ART3: variants seen among roughly 807,000 people sequenced by gnomAD.
ART3 encodes ecto-ADP-ribosyltransferase 3.
In ART3, 49 loss-of-function variants were observed where a neutral mutation model predicts 48.5. The observed-to-expected ratio is 1.01, with a 90% CI of 0.80 to 1.28. The LOEUF is 1.28. ART3 is among the 50% of genes most tolerant of loss of function. The pLI, the probability that ART3 is intolerant of heterozygous loss-of-function variation, is 0.00. For synonymous variants in ART3, 145 were observed against 157.2 expected (o/e 0.92, Z 0.58); for missense variants, 438 against 454.3 (o/e 0.96, Z 0.33).
chr4:76,049,329 C>A (rs1213914743), intron 1 of ART3, among the ~76,000 whole-genome samples: 1 of 151,812 alleles, frequency 6.6e-6, no homozygotes, highest in Non-Finnish European at 1.5e-5. Context: ...CGGCAAGGGT[C>A]AGGATAGATA....
intron 1 of ART3, chr4:76,036,225 G>T (rs1734393521): frequency 2.2e-6 from 1 of 457,636 alleles, no homozygotes; most frequent in African/African-American, 2.0e-5. Flanking sequence ...CTTCCTATTT[G>T]CAGTAGTGTT....
At chr4:76,110,281 T>C (rs569147177) in intron 11 of ART3, among the ~76,000 whole-genome samples, 3 of 152,184 alleles carry the variant, frequency 2.0e-5, no homozygotes, top group Non-Finnish European at 4.4e-5. Context: ...TTCATTTACA[T>C]TGTATTAGGT....
chr4:76,037,966 A>G (rs1560588204), intron 1 of ART3, among the ~76,000 whole-genome samples: 1 of 152,174 alleles, frequency 6.6e-6, no homozygotes, highest in African/African-American at 2.4e-5. Context: ...TTTAGATATA[A>G]TCCTGCATTT....
intron 1 of ART3, chr4:76,033,777 A>G (rs1172630972): frequency 6.6e-6 from 1 of 152,232 alleles, no homozygotes; most frequent in Non-Finnish European, 1.5e-5. Flanking sequence ...TTTACAGTAT[A>G]TAGGCATGAA....
chr4:76,046,254 G>A (rs1057176287), intron 1 of ART3, among the ~76,000 whole-genome samples: 1 of 152,014 alleles, frequency 6.6e-6, no homozygotes, highest in Non-Finnish European at 1.5e-5. Flanking sequence ...TCAGAGTGCA[G>A]GGGAATAAAG....
At chr4:76,061,916 G>T (rs559651739) in intron 1 of ART3, among the ~76,000 whole-genome samples, 1 of 152,328 alleles carries the variant, frequency 6.6e-6, no homozygotes, top group Non-Finnish European at 1.5e-5. Context: ...CACTGAAGTG[G>T]ATTTTTACAC....
intron 1 of ART3, among the ~76,000 whole-genome samples, chr4:76,011,504 C>T (rs557911345): frequency 3.9e-5 from 6 of 152,306 alleles, no homozygotes; most frequent in African/African-American, 1.2e-4. Context: ...GAACGACGGC[C>T]CCAGAAGGGC....
At chr4:76,034,785 T>C in intron 1 of ART3, 1 of 1,525,792 alleles carries the variant, frequency 6.6e-7, no homozygotes, top group Non-Finnish European at 9.0e-7. Flanking sequence ...TCATATGTTT[T>C]GATATTTTTA....
At chr4:76,090,268 G>C (rs190869161) in intron 3 of ART3, among the ~76,000 whole-genome samples, 2 of 152,126 alleles carry the variant, frequency 1.3e-5, no homozygotes, top group East Asian at 3.9e-4. Flanking sequence ...TCGAGAGTTC[G>C]TCCAGCCTTA....
At chr4:76,103,508 T>A (rs2149691271) in intron 8 of ART3, among the ~76,000 whole-genome samples, 1 of 152,310 alleles carries the variant, frequency 6.6e-6, no homozygotes, top group East Asian at 1.9e-4. Flanking sequence ...CAATCTTCAC[T>A]AACTACAAAC....
intron 1 of ART3, among the ~76,000 whole-genome samples, chr4:76,013,434 T>C (rs884005): frequency 0.072 from 10,932 of 151,392 alleles, 484 homozygotes; most frequent in South Asian, 0.14. Context: ...GATTTATATA[T>C]ACACACACAC....
intron 1 of ART3, among the ~76,000 whole-genome samples, chr4:76,011,564 G>A (rs1258332969): frequency 6.6e-6 from 1 of 152,240 alleles, no homozygotes; most frequent in Admixed American, 6.5e-5. Context: ...TCAGTGACTG[G>A]GAAAGAGGCC....
At chr4:76,015,859 G>A (rs566672309) in intron 1 of ART3, among the ~76,000 whole-genome samples, 1 of 152,312 alleles carries the variant, frequency 6.6e-6, no homozygotes, top group South Asian at 2.1e-4. Context: ...GAACTCCTGG[G>A]CTCAAGCGAT....
In ART3 at chr4:76,107,745, T is replaced by C. The variant is rs1198667887; in HGVS notation, c.1004-16T>C. 1.4e-6 allele frequency: 2 copies of C among 1,401,726 alleles called. No homozygotes were observed. The highest frequency in any genetic ancestry group is 3.0e-5 in the African/African-American group (2 of 67,086). The allele number at this position is 1,401,726 out of a possible 1,614,324, so 86.8% of individuals were successfully genotyped here. A position where few individuals can be genotyped will look rare whatever the true frequency, so the allele number is the denominator to read the frequency against. ...GATATACAATATAACTAACTCAAAATCTCTTTATATTTTAGAAGATAAAAG... is the reference window on the plus strand; with the variant it reads ...GATATACAATATAACTAACTCAAAACCTCTTTATATTTTAGAAGATAAAAG... On this transcript the variant is annotated splice_polypyrimidine_tract_variant and intron_variant, in intron 10 of 11. Coordinates refer to ENST00000355810, the MANE Select transcript of ART3 (RefSeq NM_001130016.3).
chr4:76,048,241 G>A (rs1018306826), intron 1 of ART3, among the ~76,000 whole-genome samples: 1 of 151,866 alleles, frequency 6.6e-6, no homozygotes, highest in African/African-American at 2.4e-5. Flanking sequence ...TTGGACATAA[G>A]GTATTTCACT....
At chr4:76,038,246 G>A (rs563074602) in intron 1 of ART3, among the ~76,000 whole-genome samples, 23 of 152,258 alleles carry the variant, frequency 1.5e-4, no homozygotes, top group African/African-American at 5.3e-4. Flanking sequence ...TTTTATTACA[G>A]AATATTGTTG....
chr4:76,059,362 G>GTTTTTTT (rs71657397), intron 1 of ART3, among the ~76,000 whole-genome samples: 1 of 141,070 alleles, frequency 7.1e-6, no homozygotes, highest in African/African-American at 2.6e-5. Flanking sequence ...ATTTTCTCTT[G>GTTTTTTT]TTTTTTTTTC....
At chr4:76,059,756 C>T (rs2149477133) in intron 1 of ART3, among the ~76,000 whole-genome samples, 1 of 152,230 alleles carries the variant, frequency 6.6e-6, no homozygotes, top group Admixed American at 6.5e-5. Context: ...GCATTAAGCA[C>T]AGGAGGATTT....
At chr4:76,082,788 T>G (rs1188005595) in intron 3 of ART3, among the ~76,000 whole-genome samples, 2 of 152,128 alleles carry the variant, frequency 1.3e-5, no homozygotes, top group Non-Finnish European at 1.5e-5. Context: ...CCCTGCAGGG[T>G]CATTTGGCAA....
Sources: gnomAD v4.1 joint callset for allele counts (sites outside exome capture counted in the v4.1 genomes callset) on GRCh38, gnomAD v4.1.1 for gene constraint, MANE v1.5 for transcripts, NCBI Gene and HGNC (gene_info 2026-07-23, HGNC 2026-07-21) for gene names.